Variants in CDH4 observed in about 807,000 individuals in gnomAD.
CDH4 encodes cadherin-4.
CDH4 carries 33 observed loss-of-function variants against 86.0 expected under a neutral mutation model. The observed-to-expected ratio is 0.38, with a 90% CI of 0.29 to 0.51. CDH4 has a LOEUF of 0.51. CDH4 is among the 20% of genes least tolerant of loss of function. The probability of loss-of-function intolerance (pLI) is 0.86; values close to 1 mark genes in which losing one functional copy is unlikely to be tolerated. For missense variants in CDH4, 1,114 were observed against 1,307.4 expected (o/e 0.85, Z 2.28); for synonymous variants, 555 against 549.4 (o/e 1.01, Z -0.14).
intron 9 of CDH4, 130 bp downstream of exon 9, chr20:61,910,737 G>A: frequency 1.2e-6 from 1 of 850,124 alleles, no homozygotes; most frequent in Non-Finnish European, 1.8e-6. Context: ...GTAGAGGCAG[G>A]TAACCCAACC....
chr20:61,277,810 C>T (rs1293891699), intron 2 of CDH4, among the ~76,000 whole-genome samples: 1 of 152,186 alleles, frequency 6.6e-6, no homozygotes, highest in African/African-American at 2.4e-5. Flanking sequence ...TCGGGAGTTT[C>T]AGCACTGGAC....
At chr20:61,716,323 G>A (rs534579431) in intron 2 of CDH4, among the ~76,000 whole-genome samples, 1 of 146,094 alleles carries the variant, frequency 6.8e-6, no homozygotes, top group South Asian at 2.5e-4. Flanking sequence ...CCCATGAGCT[G>A]CCTCTTGGCT....
intron 9 of CDH4, among the ~76,000 whole-genome samples, chr20:61,920,053 T>TTG: frequency 1.9e-5 from 2 of 107,318 alleles, no homozygotes; most frequent in African/African-American, 3.7e-5. Context: ...AAGCATGGTA[T>TTG]CGTGATTGTG....
intron 2 of CDH4, among the ~76,000 whole-genome samples, chr20:61,383,659 T>TATGAA: frequency 6.7e-5 from 1 of 14,948 alleles, no homozygotes; most frequent in East Asian, 2.8e-3. Flanking sequence ...AATGTATATA[T>TATGAA]TATATATGAT....
rs781187225 is a variant in CDH4, at chr20:61,518,776, C to T, written c.170-224787C>T. 6.6e-6 allele frequency among the ~76,000 whole-genome samples: 1 copy of T among 151,440 alleles called. No individual in the cohort carries two copies. The highest frequency in any genetic ancestry group is 1.5e-5 in the Non-Finnish European group (1 of 67,846). On this transcript the variant is annotated intron_variant, in intron 2 of 15. Transcript: ENST00000614565. The surrounding 1 kb of genome is among the most constrained non-coding windows in gnomAD (Gnocchi z 6.3). ...ATTCGTACATCCACCCATCATCCAT[C>T]CTTTCATCCATCATTCATTCATCCA...
intron 2 of CDH4, among the ~76,000 whole-genome samples, chr20:61,277,997 G>A (rs908439572): frequency 1.3e-5 from 2 of 152,200 alleles, no homozygotes; most frequent in African/African-American, 2.4e-5. Flanking sequence ...CAGAGCCTGC[G>A]TTATGGCCCA....
chr20:61,797,621 C>T (rs1156735796), intron 4 of CDH4, among the ~76,000 whole-genome samples: 7 of 147,292 alleles, frequency 4.8e-5, no homozygotes, highest in African/African-American at 1.7e-4. Context: ...CCCATCTCTA[C>T]AAAACAATAA....
At chr20:61,892,131 A>C (rs566581215) in intron 7 of CDH4, among the ~76,000 whole-genome samples, 1 of 152,376 alleles carries the variant, frequency 6.6e-6, no homozygotes, top group East Asian at 1.9e-4. Context: ...AATAATAGTG[A>C]TGCGCAGATT....
At chr20:61,927,868 C>T (rs1557181) in intron 11 of CDH4, among the ~76,000 whole-genome samples, 69,435 of 151,940 alleles carry the variant, frequency 0.46, 18,049 homozygotes, top group East Asian at 0.85. Context: ...GTTGAGGTGC[C>T]GTGCGCAGTG....
At chr20:61,621,211 G>A (rs1472832567) in intron 2 of CDH4, among the ~76,000 whole-genome samples, 3 of 152,170 alleles carry the variant, frequency 2.0e-5, no homozygotes, top group Non-Finnish European at 2.9e-5. Flanking sequence ...CCAATGGACC[G>A]CGGTTCCGGT....
intron 4 of CDH4, among the ~76,000 whole-genome samples, chr20:61,790,189 A>G (rs569974042): frequency 1.8e-4 from 27 of 151,646 alleles, no homozygotes; most frequent in African/African-American, 6.3e-4. Context: ...TCATCCATCC[A>G]TCCACTCAAC....
chr20:61,757,898 T>C (rs1280417155), intron 3 of CDH4, among the ~76,000 whole-genome samples: 2 of 152,156 alleles, frequency 1.3e-5, no homozygotes, highest in Admixed American at 6.5e-5. Context: ...TGGAGTCCCA[T>C]GGGCTGGGAA....
intron 8 of CDH4, among the ~76,000 whole-genome samples, chr20:61,910,209 C>T (rs1762575587): frequency 6.6e-6 from 1 of 151,756 alleles, no homozygotes; most frequent in Non-Finnish European, 1.5e-5. Context: ...TTTGTGAACA[C>T]TCCTTGAGCT....
intron 4 of CDH4, among the ~76,000 whole-genome samples, chr20:61,777,969 TAC>T (rs1482712656): frequency 2.7e-5 from 4 of 148,368 alleles, no homozygotes; most frequent in African/African-American, 1.0e-4. Flanking sequence ...GTGCATACTA[TAC>T]ACACATCCAC....
chr20:61,849,412 A>G (rs542618155), intron 5 of CDH4, among the ~76,000 whole-genome samples: 24 of 152,310 alleles, frequency 1.6e-4, no homozygotes, highest in African/African-American at 5.8e-4. Flanking sequence ...ACAACGCCCT[A>G]TGAGTTCACC....
intron 2 of CDH4, among the ~76,000 whole-genome samples, chr20:61,484,482 A>G (rs905875408): frequency 2.0e-5 from 3 of 152,098 alleles, no homozygotes; most frequent in Non-Finnish European, 4.4e-5. Context: ...AGGCCCGTTT[A>G]TCTTCTGCTA....
At chr20:61,448,176 G>C (rs2085362477) in intron 2 of CDH4, among the ~76,000 whole-genome samples, 1 of 152,222 alleles carries the variant, frequency 6.6e-6, no homozygotes, top group African/African-American at 2.4e-5. Flanking sequence ...CTGGAAGCCA[G>C]TGCCCCAGGA....
Position 61,566,298 on chromosome 20 carries a change from G to A in CDH4, c.170-177265G>A, listed in dbSNP as rs56008485. On this transcript the variant is annotated intron_variant, in intron 2 of 15. Coordinates refer to ENST00000614565, the MANE Select transcript of CDH4 (RefSeq NM_001794.5). Reference sequence around the variant, plus strand: ...TGGACCAAGTGTTTCTCGCCTTTCCGTTGCTTTTGGTTCTTCCAAAGGTTT... The same window carrying A: ...TGGACCAAGTGTTTCTCGCCTTTCCATTGCTTTTGGTTCTTCCAAAGGTTT... Among the ~76,000 whole-genome samples, 1,508 of 152,270 alleles carry A rather than the reference G, an allele frequency of 9.9e-3. 10 individuals carry two copies. Among genetic ancestry groups the A allele is most frequent in the Non-Finnish European group, 0.017 (1,164 of 68,020 alleles).
At chr20:61,561,965 C>CAG (rs1218765576) in intron 2 of CDH4, among the ~76,000 whole-genome samples, 2 of 151,722 alleles carry the variant, frequency 1.3e-5, no homozygotes, top group African/African-American at 4.8e-5. Context: ...CCAGGGCTCC[C>CAG]AGAGAGAGAG....
Sources: allele counts gnomAD v4.1 joint callset (sites outside exome capture counted in the v4.1 genomes callset), GRCh38; gene constraint gnomAD v4.1.1; non-coding constraint Gnocchi (gnomAD v3.1); transcripts MANE v1.5; gene names NCBI Gene and HGNC (gene_info 2026-07-23, HGNC 2026-07-21).